TTN: variants seen among roughly 807,000 people sequenced by gnomAD.
The protein encoded by TTN is titin, also known as connectin.
In TTN, 1,525 loss-of-function variants were observed where a neutral mutation model predicts 3,223.0. The observed-to-expected ratio is 0.47, with a 90% CI of 0.45 to 0.49. The LOEUF (loss-of-function observed/expected upper bound fraction) is 0.49. TTN is among the 20% of genes least tolerant of loss of function. The pLI is 0.00. For synonymous variants in TTN, 14,094 were observed against 15,161.0 expected (o/e 0.93, Z 5.17); for missense variants, 40,786 against 43,424.0 (o/e 0.94, Z 5.40).
chr2:178,606,798 A>G (rs1342555862), intron 278 of TTN, among the ~76,000 whole-genome samples: 1 of 151,996 alleles, frequency 6.6e-6, no homozygotes, highest in African/African-American at 2.4e-5. Flanking sequence ...TTTTCAGTAC[A>G]AGAAACCATG....
At chr2:178,677,559 G>C (rs2068373087) in intron 146 of TTN, 62 bp downstream of exon 146, 1 of 1,488,918 alleles carries the variant, frequency 6.7e-7, no homozygotes, top group Middle Eastern at 1.9e-4. Context: ...ATGAACAAAA[G>C]GATGGGAAAG....
chr2:178,768,020 G>A lies in TTN; in HGVS notation c.9299C>T (p.Thr3100Ile), dbSNP rs780950679. 1.2e-6 allele frequency: 2 copies of A among 1,614,132 alleles called. No homozygotes were observed. The highest frequency in any genetic ancestry group is 1.1e-5 in the South Asian group (1 of 91,086). Reference sequence around the variant, plus strand: ...GCAAGACAAAACAACTGACCTGTCTGTGATCTGCAGTTCCTGGTCATCTTT... The same window carrying A: ...GCAAGACAAAACAACTGACCTGTCTATGATCTGCAGTTCCTGGTCATCTTT... ...WMKDDQELQI[T>I]DRIKIQKEKY... The change falls in exon 39 of 363, where the codon ACA becomes ATA. Residue 3100 changes from threonine to isoleucine, a missense_variant. By Grantham distance (89) the Thr-to-Ile change is moderately conservative (BLOSUM62 -1). Coordinates refer to ENST00000589042, the MANE Select transcript of TTN (RefSeq NM_001267550.2).
At position 178,573,661 on chromosome 2, in the gene TTN, A is replaced by G. The variant is rs188558683; in HGVS notation, c.72471T>C (p.His24157=). The G allele has an allele frequency of 9.9e-6, 15 of 1,515,768 alleles. No individual in the cohort carries two copies. In the East Asian group the frequency reaches 3.2e-4, roughly 32 times the overall value. The allele number at this position is 1,515,768 out of a possible 1,614,324, so 93.9% of individuals were successfully genotyped here. A position where few individuals can be genotyped will look rare whatever the true frequency, so the allele number is the denominator to read the frequency against. ...PLDDGGAKID[H]YIVQKRETSR... is the part of the protein sequence containing the mutation. ...TGGTTTCACGTTTCTGTACTATGTA[A>G]TGATCAATTTTGGCACCTCCATCAT... The change falls in exon 326 of 363, where the codon CAT becomes CAC. Residue 24157 remains histidine (H), a synonymous_variant. Coordinates refer to ENST00000589042, the MANE Select transcript of TTN (RefSeq NM_001267550.2).
Position 178,650,797 on chromosome 2 carries a change from T to A in TTN, c.39663A>T (p.Lys13221Asn), listed in dbSNP as rs1576940974. 6.2e-7 allele frequency: 1 copy of A among 1,607,908 alleles called. No homozygotes were observed. Among genetic ancestry groups the A allele is most frequent in the Non-Finnish European group, 8.5e-7 (1 of 1,177,092 alleles). ...CTCTTTCTGGAACAGGAACAGCTGG[T>A]TTCTCTTCCAAGACAGGTTTCTTTG... Reference protein sequence around the residue: ...EVPKKPVLEEKPAVPVPERAE... With the variant: ...EVPKKPVLEENPAVPVPERAE... Residue 13221 changes from lysine to asparagine, a missense_variant, in exon 209 of 363, where the codon AAA (lysine) becomes AAT (asparagine). Physicochemically the swap from Lys to Asn is moderately conservative, Grantham distance 94. Transcript: ENST00000589042.
Position 178,784,349 on chromosome 2 carries a change from T to A in TTN, c.2496A>T (p.Ala832=). ...SVPKTEHGYE[A]SIAGSAIATL... ...TGGCAATAGCACTACCGGCTATTGA[T>A]GCCTACATGGAAACAGAGTCAGAAA... is the stretch of plus-strand genomic sequence containing the variant. The change falls in exon 16 of 363, where the codon GCA becomes GCT. Residue 832 remains alanine, a splice_region_variant and synonymous_variant. Coordinates refer to ENST00000589042, the MANE Select transcript of TTN (RefSeq NM_001267550.2). 6.2e-7 allele frequency: 1 copy of A among 1,614,082 alleles called. No individual in the cohort carries two copies. Among genetic ancestry groups the A allele is most frequent in the Middle Eastern group, 1.7e-4 (1 of 6,058 alleles).
chr2:178,728,215 A>G lies in TTN; in HGVS notation c.19609T>C (p.Ser6537Pro). ...AATTCCAGATTATTAACTTCCAGAG[A>G]CACAGATCTCTCATGGCACACAAGT... ...YRLVCHERSV[S>P]LEVNNLELED... is the part of the protein sequence containing the mutation. Residue 6537 changes from serine (S) to proline (P), a missense_variant, in exon 67 of 363, where the codon TCT becomes CCT. Coordinates refer to ENST00000589042, the MANE Select transcript of TTN (RefSeq NM_001267550.2). 6.2e-7 allele frequency: 1 copy of G among 1,613,094 alleles called. No homozygotes were observed. The highest frequency in any genetic ancestry group is 8.5e-7 in the Non-Finnish European group (1 of 1,179,412).
In TTN at chr2:178,714,304, G is replaced by T. The variant is rs1322441627; in HGVS notation, c.26470C>A (p.Leu8824Ile). 6.2e-7 allele frequency: 1 copy of T among 1,612,386 alleles called. No individual in the cohort carries two copies. Among genetic ancestry groups the T allele is most frequent in the Non-Finnish European group, 8.5e-7 (1 of 1,178,758 alleles). The change falls in exon 91 of 363, where the codon CTA becomes ATA. Residue 8824 changes from leucine to isoleucine, a missense_variant. Physicochemically the swap from Leu to Ile is conservative, Grantham distance 5. Transcript: ENST00000589042. ...TCTTTTTACTAACCGAGAACGGATA[G>T]CGTGGCGAAGCACTCTTGCATCCCA... ...DAGMQECFATLSVLEPATIVE... is the reference protein window; with the variant it reads ...DAGMQECFATISVLEPATIVE...
rs569524002 is a variant in TTN at position 178,545,353 on chromosome 2, G to GTATTTGTCCTCAA, written c.95722+34_95722+35insTTGAGGACAAATA. ...AAATTATCTGTCATATAGTTTTGAG[G>GTATTTGTCCTCAA]AGCATTGTATTTATGTATGATTCTT... On this transcript the variant is annotated intron_variant, in intron 344 of 362. Coordinates refer to ENST00000589042, the MANE Select transcript of TTN (RefSeq NM_001267550.2). 209 of 1,503,262 alleles carry GTATTTGTCCTCAA rather than the reference G, an allele frequency of 1.4e-4. 1 individual carries two copies. The East Asian group carries it at 4.5e-3, about 33-fold the overall frequency. The allele number at this position is 1,503,262 out of a possible 1,614,324, so 93.1% of individuals were successfully genotyped here.
rs1438123245 is a variant in TTN at position 178,554,674 on chromosome 2, G to A, written c.88673C>T (p.Pro29558Leu). 1.9e-6 allele frequency: 3 copies of A among 1,613,804 alleles called. No homozygotes were observed. The African/African-American group carries it at 4.0e-5, about 22-fold the overall frequency. ...GATTTTTGCACCACCATCATCAGCT[G>A]GAGGCCGCCAGAGAAGGGTGATCTT... ...AEKITLLWRP[P>L]ADDGGAKITH... The change falls in exon 332 of 363, where the codon CCA becomes CTA. Residue 29558 changes from proline (P) to leucine (L), a missense_variant. Transcript: ENST00000589042.
rs879220825 is a variant in TTN, at chr2:178,723,439, T to G, written c.21661A>C (p.Thr7221Pro). 1 of 1,613,002 alleles carries G rather than the reference T, an allele frequency of 6.2e-7. No homozygotes were observed. Among genetic ancestry groups the G allele is most frequent in the Admixed American group, 1.7e-5 (1 of 59,932 alleles). Residue 7221 changes from threonine (T) to proline (P), a missense_variant, in exon 74 of 363, where the codon ACT (threonine) becomes CCT (proline). Physicochemically the swap from Thr to Pro is conservative, Grantham distance 38. Coordinates refer to ENST00000589042, the MANE Select transcript of TTN (RefSeq NM_001267550.2). ...VSNNAGQASC[T>P]TRLFVKEPAA... is the part of the protein sequence containing the mutation. ...AAACCTTTCACAAAGAGACGGGTAG[T>G]GCAAGATGCTTGGCCAGCGTTGTTA...
At position 178,671,999 on chromosome 2, in the gene TTN, T is replaced by C. The variant is rs1560255134; in HGVS notation, c.35199A>G (p.Val11733=). 1.2e-6 allele frequency: 2 copies of C among 1,604,170 alleles called. No homozygotes were observed. The highest frequency in any genetic ancestry group is 8.5e-7 in the Non-Finnish European group (1 of 1,177,306). The part of the protein sequence containing the change: ...IEVFEAEEVE[V]FEKPKAPPKG... ...TAGGTGGAGCTTTTGGTTTTTCAAA[T>C]ACTTCCACTTCTTCAGCCTCAAAAA... Residue 11733 remains valine (V), a synonymous_variant, in exon 155 of 363, where the codon GTA becomes GTG. Coordinates refer to ENST00000589042, the MANE Select transcript of TTN (RefSeq NM_001267550.2).
chr2:178,664,105 A>AGAT lies in TTN; in HGVS notation c.36281-10_36281-8dup. 1 of 1,604,352 alleles carries AGAT rather than the reference A, an allele frequency of 6.2e-7. No individual in the cohort carries two copies. Among genetic ancestry groups the AGAT allele is most frequent in the East Asian group, 2.2e-5 (1 of 44,804 alleles). ...TCTTTGGGAGCTTCGTGCACTTGAA[A>AGAT]GATATTAGTATTTTTACACTCAGAA... On this transcript the variant is annotated splice_polypyrimidine_tract_variant and splice_region_variant and intron_variant, in intron 168 of 362. Coordinates refer to ENST00000589042, the MANE Select transcript of TTN (RefSeq NM_001267550.2).
rs1690450339 is a variant in TTN at position 178,534,248 on chromosome 2, C to T, written c.102367G>A (p.Val34123Met). 2 of 1,613,894 alleles carry T rather than the reference C, an allele frequency of 1.2e-6. No individual in the cohort carries two copies. The highest frequency in any genetic ancestry group is 1.7e-6 in the Non-Finnish European group (2 of 1,179,878). The change falls in exon 358 of 363, where the codon GTG becomes ATG. Residue 34123 changes from valine to methionine, a missense_variant. By Grantham distance (21) the Val-to-Met change is conservative. Coordinates refer to ENST00000589042, the MANE Select transcript of TTN (RefSeq NM_001267550.2). ...CGGAIRSQKG[V>M]SVAKVKVASI... ...GCCACTTTAACTTTAGCAACACTCACTCCCTTCTGAGATCGAATTGCACCA... is the reference window on the plus strand; with the variant it reads ...GCCACTTTAACTTTAGCAACACTCATTCCCTTCTGAGATCGAATTGCACCA...
At chr2:178,556,459 A>AAACAAAC (rs1427180876) in intron 330 of TTN, 3,520 of 203,470 alleles carry the variant, frequency 0.017, 87 homozygotes, top group East Asian at 0.13. Context: ...AACAAACAAA[A>AAACAAAC]AAAAAAAAAC....
rs1326684030 is a variant in TTN at position 178,774,424 on chromosome 2, T to C, written c.6840A>G (p.Glu2280=). The C allele has an allele frequency of 6.2e-7, 1 of 1,613,746 alleles. No individual in the cohort carries two copies. The highest frequency in any genetic ancestry group is 8.5e-7 in the Non-Finnish European group (1 of 1,179,944). The change falls in exon 30 of 363, where the codon GAA becomes GAG. Residue 2280 remains glutamate (E), a synonymous_variant. Coordinates refer to ENST00000589042, the MANE Select transcript of TTN (RefSeq NM_001267550.2). ...TGCACTCTAATTCTCCTGAATATGA[T>C]TCTGGAACTTCTATGTCCTGAAGTT... ...VKELQDIEVP[E]SYSGELECIV... is the part of the protein sequence containing the mutation.
In TTN at chr2:178,568,223, C is replaced by T. The variant is rs1356017017; in HGVS notation, c.77909G>A (p.Arg25970Lys). Reference protein sequence around the residue: ...EYQFRIFAENRYGQSFALESD... With the variant: ...EYQFRIFAENKYGQSFALESD... ...CTCTAAGGCAAAGCTTTGTCCATAT[C>T]TGTTTTCGGCAAATATTCTAAATTG... The change falls in exon 326 of 363, where the codon AGA becomes AAA. Residue 25970 changes from arginine (R) to lysine (K), a missense_variant. Arg to Lys is a conservative substitution (Grantham distance 26, BLOSUM62 2). Transcript: ENST00000589042. 1 of 1,613,486 alleles carries T rather than the reference C, an allele frequency of 6.2e-7. No individual in the cohort carries two copies. The highest frequency in any genetic ancestry group is 8.5e-7 in the Non-Finnish European group (1 of 1,179,594).
At position 178,672,220 on chromosome 2, in the gene TTN, C is replaced by T. The variant is rs2067126599; in HGVS notation, c.34978G>A (p.Val11660Ile). ...AATTCTAGTCTTTCTTTTACTACTA[C>T]TTCTTGGCGGAAGGCAACTGATACT... is the stretch of plus-strand genomic sequence containing the variant. ...EKVSVAFRQE[V>I]VVKERLELEV... The change falls in exon 155 of 363, where the codon GTA becomes ATA. Residue 11660 changes from valine (V) to isoleucine (I), a missense_variant. By Grantham distance (29) the Val-to-Ile change is conservative. Coordinates refer to ENST00000589042, the MANE Select transcript of TTN (RefSeq NM_001267550.2). 6.4e-7 allele frequency: 1 copy of T among 1,566,252 alleles called. No homozygotes were observed. Among genetic ancestry groups the T allele is most frequent in the Non-Finnish European group, 8.7e-7 (1 of 1,154,388 alleles).
chr2:178,753,055 A>G (rs2085994096), intron 47 of TTN, 69 bp downstream of exon 47: 1 of 1,301,026 alleles, frequency 7.7e-7, no homozygotes, highest in Non-Finnish European at 1.1e-6. Flanking sequence ...TAAGAGAAAG[A>G]AGGCAACTCA....
At chr2:178,783,831 G>A (rs770708742) in intron 16 of TTN, 46 bp from the exon 17 acceptor site, 81 of 1,505,616 alleles carry the variant, frequency 5.4e-5, no homozygotes, top group Non-Finnish European at 7.3e-5. Flanking sequence ...GAAATTAAGG[G>A]AAATCTCATA....
Sources: allele counts gnomAD v4.1 joint callset (sites outside exome capture counted in the v4.1 genomes callset), GRCh38; gene constraint gnomAD v4.1.1; transcripts MANE v1.5; gene names NCBI Gene and HGNC (gene_info 2026-07-23, HGNC 2026-07-21).